The following MELK variants were observed in gnomAD, a reference collection of about 807,000 sequenced individuals.
MELK encodes the protein pEg3 kinase.
In MELK, 81 loss-of-function variants were observed where a neutral mutation model predicts 85.0. That is an observed-to-expected ratio of 0.95 (90% confidence interval 0.80 to 1.15). The LOEUF (loss-of-function observed/expected upper bound fraction) is 1.15, where lower values mean the gene tolerates loss of function less well. MELK is among the 50% of genes most tolerant of loss of function. MELK has a pLI of 0.00. For synonymous variants in MELK, 252 were observed against 265.0 expected, an observed-to-expected ratio of 0.95 and a Z score of 0.48; for missense variants, 754 against 777.5, an observed-to-expected ratio of 0.97 and a Z score of 0.36.
chr9:36,617,335 T>C (rs1019693626), intron 8 of MELK, among the ~76,000 whole-genome samples: 5 of 152,052 alleles, frequency 3.3e-5, no homozygotes. Flanking sequence ...TCTTTTTTTC[T>C]TTCTTTTTTT....
At chr9:36,651,909 G>A (rs200515774) in intron 12 of MELK, 32 bp downstream of exon 12, 199 of 1,599,128 alleles carry the variant, frequency 1.2e-4, no homozygotes, top group Non-Finnish European at 1.6e-4. Flanking sequence ...GTCTTGCCAC[G>A]TGCCCTCCCT....
At chr9:36,655,190 T>C (rs1221641249) in intron 12 of MELK, among the ~76,000 whole-genome samples, 2 of 152,180 alleles carry the variant, frequency 1.3e-5, no homozygotes, top group African/African-American at 4.8e-5. Context: ...AAGACATATA[T>C]ATACATAGAT....
rs750337539 is a variant in MELK, at chr9:36,607,566, TTCTC to T, written c.568-6_568-3del. 7 of 1,595,758 alleles carry T rather than the reference TTCTC, an allele frequency of 4.4e-6. No homozygotes were observed. The Admixed American group carries it at 8.5e-5, about 19-fold the overall frequency. On this transcript the variant is annotated splice_polypyrimidine_tract_variant and splice_region_variant and intron_variant, in intron 7 of 17. Coordinates refer to ENST00000298048, the MANE Select transcript of MELK (RefSeq NM_014791.4). ...TTCAGTAATTTTTCTTTTTCCCTCTTTCTCTCAGGCAGATGTTTGGAGCATGGGC... is the reference window on the plus strand; with the variant it reads ...TTCAGTAATTTTTCTTTTTCCCTCTTTCAGGCAGATGTTTGGAGCATGGGC...
At chr9:36,635,798 CTTT>C (rs759256315) in intron 10 of MELK, among the ~76,000 whole-genome samples, 4 of 134,078 alleles carry the variant, frequency 3.0e-5, no homozygotes, top group Admixed American at 7.5e-5. Context: ...TTAAAAAATG[CTTT>C]TTTTTTTTTT....
At chr9:36,575,232 A>G (rs190189608) in intron 1 of MELK, among the ~76,000 whole-genome samples, 1 of 152,304 alleles carries the variant, frequency 6.6e-6, no homozygotes, top group Non-Finnish European at 1.5e-5. Flanking sequence ...ATTGGGGTCT[A>G]ATTTCCTTCT....
intron 3 of MELK, among the ~76,000 whole-genome samples, chr9:36,584,447 A>T (rs1407803013): frequency 3.7e-5 from 5 of 134,240 alleles, no homozygotes; most frequent in South Asian, 2.4e-4. Flanking sequence ...CCTCCTGAGT[A>T]GCTGGGACTA....
chr9:36,661,946 A>C (rs1252975049), intron 13 of MELK, among the ~76,000 whole-genome samples: 5 of 151,328 alleles, frequency 3.3e-5, no homozygotes, highest in Admixed American at 6.6e-5. Flanking sequence ...CAAAAAAAAA[A>C]AAAAAAAAAA....
At chr9:36,621,268 T>A (rs1468126287) in intron 8 of MELK, among the ~76,000 whole-genome samples, 1 of 58,642 alleles carries the variant, frequency 1.7e-5, no homozygotes, top group Non-Finnish European at 3.4e-5. Flanking sequence ...TGAGACTCTG[T>A]CTCAGGGAAA....
chr9:36,607,471 T>G (rs1825671472), intron 7 of MELK, 104 bp from the exon 8 acceptor site: 1 of 855,760 alleles, frequency 1.2e-6, no homozygotes, highest in Non-Finnish European at 1.9e-6. Flanking sequence ...CTGAGTTCTT[T>G]TTTAGCTTTG....
chr9:36,599,557 C>A, intron 7 of MELK, 71 bp downstream of exon 7: 2 of 1,114,264 alleles, frequency 1.8e-6, no homozygotes, highest in Non-Finnish European at 2.7e-6. Context: ...GTGAGTCAGG[C>A]ACTGTGCGTT....
Position 36,677,385 on chromosome 9 carries a change from C to T in MELK, c.*48C>T. The T allele has an allele frequency of 6.6e-7, 1 of 1,514,948 alleles. No homozygotes were observed. The highest frequency in any genetic ancestry group is 8.9e-7 in the Non-Finnish European group (1 of 1,120,594). The allele number at this position is 1,514,948 out of a possible 1,614,324, so 93.8% of individuals were successfully genotyped here. A position where few individuals can be genotyped will look rare whatever the true frequency, so the allele number is the denominator to read the frequency against. On this transcript the variant is annotated 3_prime_UTR_variant, in exon 18 of 18. Transcript: ENST00000298048. ...CGGATGAGTGTGGGTGTGATACAGC[C>T]TACATAAAGACTGTTATGATCGCTT... is the stretch of plus-strand genomic sequence containing the variant.
intron 4 of MELK, among the ~76,000 whole-genome samples, chr9:36,591,500 G>A (rs952626792): frequency 4.6e-5 from 7 of 152,230 alleles, no homozygotes; most frequent in Non-Finnish European, 1.0e-4. Context: ...CTTGAGCCTG[G>A]GAGGCAGAGC....
At chr9:36,635,921 C>T (rs1471131217) in intron 10 of MELK, among the ~76,000 whole-genome samples, 3 of 151,320 alleles carry the variant, frequency 2.0e-5, no homozygotes, top group African/African-American at 7.3e-5. Context: ...CTCAGACTCC[C>T]GAGTAGCTGG....
At chr9:36,639,131 T>C (rs1408558189) in intron 10 of MELK, among the ~76,000 whole-genome samples, 1 of 152,232 alleles carries the variant, frequency 6.6e-6, no homozygotes, top group African/African-American at 2.4e-5. Context: ...CAGTAACTTT[T>C]CTGAGTCTTC....
At chr9:36,601,270 G>T (rs916431091) in intron 7 of MELK, among the ~76,000 whole-genome samples, 1 of 152,034 alleles carries the variant, frequency 6.6e-6, no homozygotes, top group Non-Finnish European at 1.5e-5. Flanking sequence ...GATGCATTTA[G>T]TTATTGCATT....
chr9:36,615,909 G>A (rs546041185), intron 8 of MELK, among the ~76,000 whole-genome samples: 12 of 150,220 alleles, frequency 8.0e-5, no homozygotes, highest in African/African-American at 3.0e-4. Flanking sequence ...CATCCCAGAC[G>A]ATGGGCAGCC....
intron 1 of MELK, among the ~76,000 whole-genome samples, chr9:36,578,185 C>G (rs367552159): frequency 6.6e-6 from 1 of 151,654 alleles, no homozygotes; most frequent in African/African-American, 2.4e-5. Flanking sequence ...TTGTCTTTTG[C>G]TTTTAAGTCT....
intron 11 of MELK, among the ~76,000 whole-genome samples, chr9:36,649,921 T>TTTAA (rs1830548420): frequency 6.6e-6 from 1 of 151,098 alleles, no homozygotes; most frequent in African/African-American, 2.4e-5. Flanking sequence ...CCTATCTCTA[T>TTTAA]TTAATTTAAT....
chr9:36,644,098 C>T (rs1830012065), intron 11 of MELK, among the ~76,000 whole-genome samples: 1 of 152,138 alleles, frequency 6.6e-6, no homozygotes, highest in African/African-American at 2.4e-5. Flanking sequence ...ACAGCAGCGT[C>T]ACGTCACCCC....
Sources: gnomAD v4.1 joint callset for allele counts (sites outside exome capture counted in the v4.1 genomes callset) on GRCh38, gnomAD v4.1.1 for gene constraint, MANE v1.5 for transcripts, NCBI Gene and HGNC (gene_info 2026-07-23, HGNC 2026-07-21) for gene names.